Variants in S100A8 observed in about 807,000 individuals in gnomAD.
S100A8 encodes S100 calcium binding protein A8.
A neutral mutation model predicts 4.2 loss-of-function variants in S100A8; 1 was observed. The observed-to-expected ratio is 0.24, with a 90% CI of 0.08 to 1.12. The LOEUF (loss-of-function observed/expected upper bound fraction) is 1.12. S100A8 is among the 50% of genes most tolerant of loss of function. The pLI is 0.53. For synonymous variants in S100A8, 41 were observed against 44.7 expected, an observed-to-expected ratio of 0.92 and a Z score of 0.33; for missense variants, 96 against 111.8, an observed-to-expected ratio of 0.86 and a Z score of 0.64.
At chr1:153,418,002 A>G in the S100A8 span, 14 of 1,583,926 alleles carry the variant, frequency 8.8e-6, no homozygotes, top group East Asian at 1.3e-4. Flanking sequence ...CCTCCTTCTA[A>G]CACCCCCACA....
At chr1:153,418,544 T>C in the S100A8 span, among the ~76,000 whole-genome samples, 1 of 152,122 alleles carries the variant, frequency 6.6e-6, no homozygotes, top group African/African-American at 2.4e-5. Flanking sequence ...CAGGTCCTGC[T>C]TCCCAAAGGC....
chr1:153,418,015 G>A, the S100A8 span: 5,548 of 1,599,232 alleles, frequency 3.5e-3, 175 homozygotes, highest in African/African-American at 0.065. Context: ...CCCCCACATA[G>A]AGACCTTAAT....
chr1:153,398,270 C>T, the S100A8 span, among the ~76,000 whole-genome samples: 1 of 152,220 alleles, frequency 6.6e-6, no homozygotes, highest in African/African-American at 2.4e-5. Flanking sequence ...TGGGCAGGGC[C>T]TGAGGGCTGT....
the S100A8 span, among the ~76,000 whole-genome samples, chr1:153,418,745 G>T: frequency 6.6e-6 from 1 of 152,198 alleles, no homozygotes; most frequent in Non-Finnish European, 1.5e-5. Flanking sequence ...AAAAGGAGAA[G>T]AAAGGAGAGG....
At chr1:153,400,628 A>C in the S100A8 span, among the ~76,000 whole-genome samples, 2 of 152,110 alleles carry the variant, frequency 1.3e-5, no homozygotes, top group Non-Finnish European at 2.9e-5. Context: ...ACTCAACATA[A>C]AGATTTCCCC....
At chr1:153,402,101 A>G in the S100A8 span, among the ~76,000 whole-genome samples, 1 of 152,084 alleles carries the variant, frequency 6.6e-6, no homozygotes, top group Non-Finnish European at 1.5e-5. Context: ...GAAAAAGAAT[A>G]GGATTTGAGC....
At chr1:153,415,204 A>G in the S100A8 span, among the ~76,000 whole-genome samples, 29 of 150,258 alleles carry the variant, frequency 1.9e-4, no homozygotes, top group Admixed American at 1.9e-3. Context: ...GTGTGTGTGT[A>G]TCTTTTGCCG....
upstream of S100A8, among the ~76,000 whole-genome samples, chr1:153,392,658 A>G (rs1385008616): frequency 6.6e-6 from 1 of 152,198 alleles, no homozygotes; most frequent in Non-Finnish European, 1.5e-5. Flanking sequence ...GGCTAAATCC[A>G]TTCCTACCCT....
chr1:153,409,365 A>T, the S100A8 span, among the ~76,000 whole-genome samples: 15 of 152,142 alleles, frequency 9.9e-5, no homozygotes, highest in African/African-American at 3.4e-4. Context: ...CCAACAAAGA[A>T]CAGACGCGAC....
chr1:153,412,413 A>G, the S100A8 span, among the ~76,000 whole-genome samples: 2 of 152,254 alleles, frequency 1.3e-5, no homozygotes, highest in Non-Finnish European at 2.9e-5. Flanking sequence ...GAGAAATGCA[A>G]ATCAAAACTA....
upstream of S100A8, among the ~76,000 whole-genome samples, chr1:153,395,914 C>T (rs1237442075): frequency 6.6e-6 from 1 of 152,256 alleles, no homozygotes; most frequent in Non-Finnish European, 1.5e-5. Context: ...CACCCTTGTT[C>T]ACTGATTCTT....
chr1:153,397,558 G>A, the S100A8 span, among the ~76,000 whole-genome samples: 15 of 152,178 alleles, frequency 9.9e-5, no homozygotes, highest in South Asian at 2.1e-4. Flanking sequence ...AGCACAGCAC[G>A]GGGACAGAGT....
At chr1:153,408,130 G>A in the S100A8 span, among the ~76,000 whole-genome samples, 23 of 152,326 alleles carry the variant, frequency 1.5e-4, no homozygotes, top group Admixed American at 7.8e-4. Flanking sequence ...TGACTTTGAC[G>A]AGTTGAGAGA....
At chr1:153,393,438 A>G (rs1360993423), upstream of S100A8, among the ~76,000 whole-genome samples, 3 of 152,228 alleles carry the variant, frequency 2.0e-5, no homozygotes, top group African/African-American at 4.8e-5. Flanking sequence ...TACATGTTCA[A>G]TTAATACTTA....
intron 1 of S100A8, chr1:153,390,799 C>T: frequency 1.8e-6 from 1 of 558,294 alleles, no homozygotes; most frequent in Non-Finnish European, 3.0e-6. Context: ...GTAGACTTTC[C>T]TTACCACCCC....
chr1:153,404,715 G>C, the S100A8 span, among the ~76,000 whole-genome samples: 2 of 152,148 alleles, frequency 1.3e-5, no homozygotes, highest in Non-Finnish European at 2.9e-5. Context: ...GTGTCCTCTG[G>C]TAAGCATTGG....
At chr1:153,411,890 C>A in the S100A8 span, among the ~76,000 whole-genome samples, 918 of 152,224 alleles carry the variant, frequency 6.0e-3, 7 homozygotes, top group African/African-American at 0.02. Flanking sequence ...GAAAGGATTC[C>A]CTATTTAATA....
chr1:153,390,647 G>T, intron 1 of S100A8, 90 bp from the exon 2 acceptor site: 1 of 1,505,320 alleles, frequency 6.6e-7, no homozygotes, highest in East Asian at 2.3e-5. Context: ...CCAAGCGATG[G>T]CCTTGTCCTG....
chr1:153,405,988 A>G, the S100A8 span, among the ~76,000 whole-genome samples: 5 of 152,012 alleles, frequency 3.3e-5, no homozygotes, highest in Admixed American at 6.5e-5. Flanking sequence ...GCTGGCCAGC[A>G]CCACCCAGAA....
Sources: gnomAD v4.1 joint callset for allele counts (sites outside exome capture counted in the v4.1 genomes callset) on GRCh38, gnomAD v4.1.1 for gene constraint, MANE v1.5 for transcripts, NCBI Gene and HGNC (gene_info 2026-07-23, HGNC 2026-07-21) for gene names.